Variants in KCNQ3 observed in about 807,000 individuals in gnomAD.
KCNQ3 encodes the protein potassium voltage-gated channel subfamily Q member 3, also known as potassium voltage-gated channel subfamily KQT member 3.
A neutral mutation model predicts 92.5 loss-of-function variants in KCNQ3; 30 were observed. The ratio of observed to expected loss-of-function variants is 0.32; its 90% CI spans 0.24 to 0.44. KCNQ3 has a LOEUF of 0.44. Among genes scored for constraint, KCNQ3 ranks in the 20% least tolerant of loss-of-function variants. The probability of loss-of-function intolerance (pLI) is 1.00; values close to 1 mark genes in which losing one functional copy is unlikely to be tolerated. For synonymous variants in KCNQ3, 450 were observed against 468.8 expected, an observed-to-expected ratio of 0.96 and a Z score of 0.52; for missense variants, 913 against 1,140.3, an observed-to-expected ratio of 0.80 and a Z score of 2.87.
chr8:132,419,918 C>T (rs1452208533), intron 1 of KCNQ3, among the ~76,000 whole-genome samples: 3 of 152,232 alleles, frequency 2.0e-5, no homozygotes, highest in Non-Finnish European at 4.4e-5. Flanking sequence ...ACGAACAGCA[C>T]TCCCACGTTG....
intron 1 of KCNQ3, among the ~76,000 whole-genome samples, chr8:132,478,776 A>G (rs1248822186): frequency 1.3e-5 from 2 of 152,090 alleles, no homozygotes; most frequent in Non-Finnish European, 2.9e-5. Flanking sequence ...ACCTCCTTGA[A>G]GAAACCTGTT....
chr8:132,257,204 A>T (rs1484771858), intron 1 of KCNQ3, among the ~76,000 whole-genome samples: 3 of 152,136 alleles, frequency 2.0e-5, no homozygotes, highest in Non-Finnish European at 4.4e-5. Flanking sequence ...AAATTAAAAG[A>T]ATTAATTTTA....
intron 1 of KCNQ3, among the ~76,000 whole-genome samples, chr8:132,420,463 C>T (rs1820936515): frequency 6.6e-6 from 1 of 152,172 alleles, no homozygotes; most frequent in South Asian, 2.1e-4. Flanking sequence ...ACATCTGCAG[C>T]TTGCCCTTTT....
intron 1 of KCNQ3, among the ~76,000 whole-genome samples, chr8:132,454,727 G>T (rs2130852841): frequency 1.3e-5 from 2 of 152,278 alleles, no homozygotes; most frequent in South Asian, 2.1e-4. Context: ...TTGATATGGT[G>T]ATGTACACCC....
intron 1 of KCNQ3, among the ~76,000 whole-genome samples, chr8:132,294,697 T>C (rs1816963934): frequency 6.6e-6 from 1 of 152,192 alleles, no homozygotes; most frequent in African/African-American, 2.4e-5. Flanking sequence ...TGGCAGCTGC[T>C]CACCCAGAGT....
At chr8:132,472,100 G>T (rs1194220671) in intron 1 of KCNQ3, among the ~76,000 whole-genome samples, 2 of 151,922 alleles carry the variant, frequency 1.3e-5, no homozygotes, top group Non-Finnish European at 2.9e-5. Flanking sequence ...TATTAAAAAG[G>T]CAAAAAATAA....
At chr8:132,266,749 C>T (rs1815994832) in intron 1 of KCNQ3, among the ~76,000 whole-genome samples, 1 of 152,140 alleles carries the variant, frequency 6.6e-6, no homozygotes, top group African/African-American at 2.4e-5. Context: ...TCTGATTCAG[C>T]AGGTCTGGAG....
At chr8:132,414,791 C>A (rs1820750814) in intron 1 of KCNQ3, among the ~76,000 whole-genome samples, 1 of 152,206 alleles carries the variant, frequency 6.6e-6, no homozygotes, top group African/African-American at 2.4e-5. Context: ...ACGCATGACC[C>A]ACCTCATTTC....
intron 12 of KCNQ3, 61 bp downstream of exon 12, chr8:132,137,813 CCTCTCACCTTA>C: frequency 6.5e-7 from 1 of 1,548,024 alleles, no homozygotes; most frequent in Non-Finnish European, 8.9e-7. Flanking sequence ...TTTCTGAATA[CCTCTCACCTTA>C]AACTCTAAGG....
intron 1 of KCNQ3, among the ~76,000 whole-genome samples, chr8:132,231,424 C>G (rs551756280): frequency 1.3e-5 from 2 of 152,242 alleles, no homozygotes; most frequent in South Asian, 4.1e-4. Flanking sequence ...TATATTGAAG[C>G]CTGAATCCTC....
chr8:132,425,308 C>A (rs1322747039), intron 1 of KCNQ3, among the ~76,000 whole-genome samples: 1 of 152,228 alleles, frequency 6.6e-6, no homozygotes, highest in Non-Finnish European at 1.5e-5. Context: ...TTCATCCTTA[C>A]AGACACTCTG....
intron 1 of KCNQ3, among the ~76,000 whole-genome samples, chr8:132,266,793 C>T (rs1815996180): frequency 6.6e-6 from 1 of 152,132 alleles, no homozygotes; most frequent in Admixed American, 6.5e-5. Flanking sequence ...TAGCAAGCTT[C>T]CCAGGTGATG....
At chr8:132,243,282 C>A (rs964772146) in intron 1 of KCNQ3, among the ~76,000 whole-genome samples, 17 of 152,152 alleles carry the variant, frequency 1.1e-4, no homozygotes, top group African/African-American at 2.9e-4. Flanking sequence ...GATTTGGATT[C>A]CCACATGTGA....
At chr8:132,139,894 G>A (rs2130941875) in intron 11 of KCNQ3, among the ~76,000 whole-genome samples, 182 bp downstream of exon 11, 1 of 152,244 alleles carries the variant, frequency 6.6e-6, no homozygotes, top group South Asian at 2.1e-4. Context: ...GCTAACGTCT[G>A]GATCATTTTT....
At chr8:132,455,419 A>G (rs1821917253) in intron 1 of KCNQ3, among the ~76,000 whole-genome samples, 1 of 152,142 alleles carries the variant, frequency 6.6e-6, no homozygotes, top group African/African-American at 2.4e-5. Context: ...TAAAATGGTA[A>G]AGTTTATGTT....
intron 8 of KCNQ3, among the ~76,000 whole-genome samples, chr8:132,166,455 C>A (rs181726517): frequency 2.0e-4 from 31 of 152,270 alleles, no homozygotes; most frequent in African/African-American, 7.5e-4. Flanking sequence ...CCCCCTCGGA[C>A]CCTTATGACC....
chr8:132,348,920 A>G (rs1158158821), intron 1 of KCNQ3, among the ~76,000 whole-genome samples: 1 of 152,180 alleles, frequency 6.6e-6, no homozygotes, highest in Non-Finnish European at 1.5e-5. Flanking sequence ...GAGGAAACAG[A>G]TAGTCTCCCA....
chr8:132,435,621 C>G (rs548014031), intron 1 of KCNQ3, among the ~76,000 whole-genome samples: 32 of 152,214 alleles, frequency 2.1e-4, no homozygotes, highest in African/African-American at 7.5e-4. Flanking sequence ...AAACCTAGAC[C>G]GAGTAGTGAA....
intron 1 of KCNQ3, among the ~76,000 whole-genome samples, chr8:132,327,130 G>A (rs538208815): frequency 3.3e-5 from 5 of 152,170 alleles, no homozygotes; most frequent in African/African-American, 1.2e-4. Flanking sequence ...GCAAGGCATG[G>A]AGGCAGGTGC....
Sources: gnomAD v4.1 joint callset for allele counts (sites outside exome capture counted in the v4.1 genomes callset) on GRCh38, gnomAD v4.1.1 for gene constraint, MANE v1.5 for transcripts, NCBI Gene and HGNC (gene_info 2026-07-23, HGNC 2026-07-21) for gene names.